The following CCT3 variants were observed in gnomAD, a reference collection of about 807,000 sequenced individuals.
The protein encoded by CCT3 is chaperonin containing TCP1 subunit 3.
CCT3 carries 10 observed loss-of-function variants against 65.3 expected under a neutral mutation model. The observed-to-expected ratio is 0.15, with a 90% CI of 0.09 to 0.26. The LOEUF is 0.26. CCT3 is among the 10% of genes least tolerant of loss of function. CCT3 has a pLI of 1.00. For missense variants in CCT3, 626 were observed against 708.7 expected (o/e 0.88, Z 1.33); for synonymous variants, 225 against 242.3 (o/e 0.93, Z 0.66).
chr1:156,329,687 C>G (rs370686816), intron 5 of CCT3, among the ~76,000 whole-genome samples: 158 of 151,668 alleles, frequency 1.0e-3, no homozygotes, highest in African/African-American at 3.8e-3. Flanking sequence ...GTCTGTAATC[C>G]CAGCACTTTG....
chr1:156,318,922 G>C lies in CCT3; in HGVS notation c.705C>G (p.Asn235Lys). The C allele has an allele frequency of 6.2e-7, 1 of 1,614,104 alleles. No homozygotes were observed. The highest frequency in any genetic ancestry group is 8.5e-7 in the Non-Finnish European group (1 of 1,180,032). Residue 235 changes from asparagine (N) to lysine (K), a missense_variant, in exon 8 of 14, where the codon AAC becomes AAG. Asn to Lys is a moderately conservative substitution (Grantham distance 94, BLOSUM62 0). Coordinates refer to ENST00000295688, the MANE Select transcript of CCT3 (RefSeq NM_005998.5). ...AAGAATCCAGCAGCACAATGCGAGGGTTCTTGATATAGCGCCGCATACGTG... is the reference window on the plus strand; with the variant it reads ...AAGAATCCAGCAGCACAATGCGAGGCTTCTTGATATAGCGCCGCATACGTG... Reference protein sequence around the residue: ...THPRMRRYIKNPRIVLLDSSL... With the variant: ...THPRMRRYIKKPRIVLLDSSL...
intron 5 of CCT3, among the ~76,000 whole-genome samples, chr1:156,329,270 T>C (rs1665000112): frequency 6.6e-6 from 1 of 150,646 alleles, no homozygotes; most frequent in Non-Finnish European, 1.5e-5. Context: ...TGAGACTGCC[T>C]AATAACGCAT....
At position 156,334,806 on chromosome 1, in the gene CCT3, T is replaced by C. The variant is rs756333696; in HGVS notation, c.145-31A>G. 1.1e-5 allele frequency: 17 copies of C among 1,613,698 alleles called. No homozygotes were observed. The East Asian group carries it at 1.1e-4, about 11-fold the overall frequency. ...ATGAAAGCAAAAGTTATATTTAAAGTGTCCTAGATAACAGGAAGAAAAAAA... is the reference window on the plus strand; with the variant it reads ...ATGAAAGCAAAAGTTATATTTAAAGCGTCCTAGATAACAGGAAGAAAAAAA... On this transcript the variant is annotated intron_variant, in intron 3 of 13. Coordinates refer to ENST00000295688, the MANE Select transcript of CCT3 (RefSeq NM_005998.5).
At chr1:156,318,839 A>G (rs1485376542) in intron 8 of CCT3, 29 bp downstream of exon 8, 2 of 1,596,438 alleles carry the variant, frequency 1.3e-6, no homozygotes. Context: ...TCTTGCATCT[A>G]CTTTAAGGAA....
In CCT3 at chr1:156,320,879, C is replaced by T. The variant is rs1412699810; in HGVS notation, c.569G>A (p.Arg190Gln). Reference sequence around the variant, plus strand: ...ATATTTTTTTATGTCAATCTCTTTCCGACCATTCTCCTCAAACTGTACCAT... The same window carrying T: ...ATATTTTTTTATGTCAATCTCTTTCTGACCATTCTCCTCAAACTGTACCAT... ...VKMVQFEENG[R>Q]KEIDIKKYAR... is the part of the protein sequence containing the mutation. The change falls in exon 7 of 14, where the codon CGG becomes CAG. Residue 190 changes from arginine to glutamine, a missense_variant. Physicochemically the swap from Arg to Gln is conservative, Grantham distance 43. Coordinates refer to ENST00000295688, the MANE Select transcript of CCT3 (RefSeq NM_005998.5). 1.9e-6 allele frequency: 3 copies of T among 1,613,112 alleles called. No individual in the cohort carries two copies. Among genetic ancestry groups the T allele is most frequent in the Non-Finnish European group, 2.5e-6 (3 of 1,179,392 alleles).
rs768086456 is a variant in CCT3 at position 156,310,573 on chromosome 1, A to G, written c.1518T>C (p.Tyr506=). The G allele has an allele frequency of 1.5e-5, 25 of 1,613,522 alleles. No individual in the cohort carries two copies. Among genetic ancestry groups the G allele is most frequent in the African/African-American group, 4.0e-5 (3 of 74,924 alleles). Residue 506 remains tyrosine (Y), a synonymous_variant, in exon 13 of 14, where the codon TAT becomes TAC. Coordinates refer to ENST00000295688, the MANE Select transcript of CCT3 (RefSeq NM_005998.5). ...GGTGCCTTACCTCCACTGCTGTCTT[A>G]TAAGTCTGCAGCTTCACAGCCAATG... ...WEPLAVKLQT[Y]KTAVETAVLL...
rs1489011857 is a variant in CCT3, at chr1:156,319,036, C to T, written c.610-19G>A. ...CAGGTATCTGAACAAAAGACAACTG[C>T]ACTTTAATCCACAATCAAGAGACAA... On this transcript the variant is annotated intron_variant, in intron 7 of 13. Transcript: ENST00000295688. 1 of 1,572,508 alleles carries T rather than the reference C, an allele frequency of 6.4e-7. No homozygotes were observed. The highest frequency in any genetic ancestry group is 8.6e-7 in the Non-Finnish European group (1 of 1,157,692).
chr1:156,316,406 T>C (rs1046366699), intron 10 of CCT3, among the ~76,000 whole-genome samples: 2 of 152,142 alleles, frequency 1.3e-5, no homozygotes, highest in Admixed American at 6.5e-5. Context: ...GTTTAATGAA[T>C]GTAGGACTAA....
At chr1:156,331,819 A>C (rs1453810997) in intron 5 of CCT3, among the ~76,000 whole-genome samples, 2 of 151,978 alleles carry the variant, frequency 1.3e-5, no homozygotes, top group Non-Finnish European at 2.9e-5. Context: ...AGATCACCTG[A>C]GGTCGGGAGT....
chr1:156,319,953 A>G (rs1327096045), intron 7 of CCT3, among the ~76,000 whole-genome samples: 2 of 152,210 alleles, frequency 1.3e-5, no homozygotes, highest in Non-Finnish European at 2.9e-5. Flanking sequence ...ATACACAAAC[A>G]TGGAGACACC....
intron 6 of CCT3, among the ~76,000 whole-genome samples, chr1:156,324,474 C>CT (rs976175996): frequency 1.3e-5 from 2 of 152,012 alleles, no homozygotes; most frequent in African/African-American, 4.8e-5. Context: ...ATATGCTTTT[C>CT]TTTTTTTTCT....
intron 6 of CCT3, among the ~76,000 whole-genome samples, chr1:156,324,270 T>C (rs1570926451): frequency 6.6e-6 from 1 of 151,900 alleles, no homozygotes. Flanking sequence ...GGTTTCACCA[T>C]GTTGGCCAGG....
chr1:156,314,019 G>A (rs901335061), intron 10 of CCT3, among the ~76,000 whole-genome samples: 5 of 151,140 alleles, frequency 3.3e-5, no homozygotes, highest in East Asian at 3.9e-4. Flanking sequence ...ACCAGGAGGC[G>A]GAGGGTGCAG....
At chr1:156,314,686 C>T (rs946997443) in intron 10 of CCT3, among the ~76,000 whole-genome samples, 6 of 152,070 alleles carry the variant, frequency 3.9e-5, no homozygotes, top group Non-Finnish European at 7.4e-5. Context: ...TGCACTCCAG[C>T]GTGGGCGACA....
intron 6 of CCT3, among the ~76,000 whole-genome samples, chr1:156,322,962 T>A (rs944346572): frequency 6.6e-6 from 1 of 151,956 alleles, no homozygotes; most frequent in Non-Finnish European, 1.5e-5. Context: ...ATCAAACACC[T>A]CATTCTTAAG....
chr1:156,320,280 G>C (rs1247392649), intron 7 of CCT3, among the ~76,000 whole-genome samples: 2 of 152,036 alleles, frequency 1.3e-5, no homozygotes, highest in Non-Finnish European at 2.9e-5. Flanking sequence ...GTGGTGGCAG[G>C]CATCTGTAAT....
At chr1:156,311,905 C>T in intron 11 of CCT3, 136 bp downstream of exon 11, 1 of 512,994 alleles carries the variant, frequency 1.9e-6, no homozygotes, top group South Asian at 7.6e-5. Flanking sequence ...AAAAAGGAAG[C>T]AGAAAAGGAA....
At position 156,312,140 on chromosome 1, in the gene CCT3, G is replaced by C; in HGVS notation, c.1056C>G (p.Ile352Met). 6.2e-7 allele frequency: 1 copy of C among 1,613,928 alleles called. No individual in the cohort carries two copies. The highest frequency in any genetic ancestry group is 8.5e-7 in the Non-Finnish European group (1 of 1,179,990). ...TAAAGTATTCATCTCCAATTTTCTT[G>C]ATTTCCAACAGGCCTGCTCCTGTTC... Reference protein sequence around the residue: ...DVGTGAGLLEIKKIGDEYFTF... With the variant: ...DVGTGAGLLEMKKIGDEYFTF... The change falls in exon 11 of 14, where the codon ATC becomes ATG. Residue 352 changes from isoleucine (I) to methionine (M), a missense_variant. Physicochemically the swap from Ile to Met is conservative, Grantham distance 10. Transcript: ENST00000295688.
chr1:156,337,746 T>C, intron 1 of CCT3: 1 of 218,312 alleles, frequency 4.6e-6, no homozygotes, highest in Non-Finnish European at 9.2e-6. Flanking sequence ...ACATTTAAAT[T>C]ACCGCTACTA....
Sources: gnomAD v4.1 joint callset for allele counts (sites outside exome capture counted in the v4.1 genomes callset) on GRCh38, gnomAD v4.1.1 for gene constraint, MANE v1.5 for transcripts, NCBI Gene and HGNC (gene_info 2026-07-23, HGNC 2026-07-21) for gene names.